Variants in MTMR8 observed in about 807,000 individuals in gnomAD.
MTMR8 encodes phosphatidylinositol-3,5-bisphosphate 3-phosphatase MTMR8.
A neutral mutation model predicts 39.3 loss-of-function variants in MTMR8; 65 were observed. The ratio of observed to expected loss-of-function variants is 1.65; its 90% CI spans 1.35 to 2.03. The LOEUF is 2.03. Among genes scored for constraint, MTMR8 ranks in the 30% most tolerant of loss-of-function variants. The pLI, the probability that MTMR8 is intolerant of heterozygous loss-of-function variation, is 0.00. For missense variants in MTMR8, 777 were observed against 538.9 expected, an observed-to-expected ratio of 1.44 and a Z score of -4.37; for synonymous variants, 245 against 185.2, an observed-to-expected ratio of 1.32 and a Z score of -2.62.
At chrX:64,298,703 T>C (rs1433548964) in intron 12 of MTMR8, among the ~76,000 whole-genome samples, 2 of 87,274 alleles carry the variant, frequency 2.3e-5, no homozygotes, top group Non-Finnish European at 3.9e-5. Flanking sequence ...CAGTATGATA[T>C]TGGCTGTGGG....
intron 12 of MTMR8, among the ~76,000 whole-genome samples, chrX:64,287,971 CTAAT>C (rs1170794260): frequency 2.4e-5 from 1 of 41,095 alleles, no homozygotes; most frequent in Non-Finnish European, 4.2e-5. Context: ...CAAATGGGAT[CTAAT>C]TAAACTAAAG....
chrX:64,347,134 A>G, intron 6 of MTMR8, among the ~76,000 whole-genome samples: 1 of 111,111 alleles, frequency 9.0e-6, no homozygotes, highest in South Asian at 3.8e-4. Context: ...TCAGTATAAT[A>G]TAGTTCCTAC....
chrX:64,346,541 AAAT>A (rs1041548948), intron 6 of MTMR8, among the ~76,000 whole-genome samples: 6 of 109,585 alleles, frequency 5.5e-5, no homozygotes, highest in African/African-American at 1.7e-4. Context: ...GCTTCAGCAA[AAAT>A]AATAATAATA....
chrX:64,282,737 CT>C (rs970276492), intron 12 of MTMR8, among the ~76,000 whole-genome samples: 3 of 111,022 alleles, frequency 2.7e-5, no homozygotes, highest in Non-Finnish European at 3.8e-5. Context: ...CAAAATTAAA[CT>C]TTTGTGTATC....
In MTMR8 at chrX:64,395,340, C is replaced by G; in HGVS notation, c.24G>C (p.Lys8Asn). 8.3e-7 allele frequency: 1 copy of G among 1,210,797 alleles called. No individual in the cohort carries two copies. The highest frequency in any genetic ancestry group is 2.2e-5 in the Admixed American group (1 of 46,032). ...AGCCTCGCTTAACTCTTCTCCTTACCTTGGGTACCGTAATATGATCCATGA... is the reference window on the plus strand; with the variant it reads ...AGCCTCGCTTAACTCTTCTCCTTACGTTGGGTACCGTAATATGATCCATGA... MDHITVP[K>N]VENVKLVDRY... Residue 8 changes from lysine to asparagine, a missense_variant and splice_region_variant, in exon 1 of 14, where the codon AAG (lysine) becomes AAC (asparagine). Physicochemically the swap from Lys to Asn is moderately conservative, Grantham distance 94. Coordinates refer to ENST00000374852, the MANE Select transcript of MTMR8 (RefSeq NM_017677.4).
At chrX:64,378,311 C>A (rs1924322767) in intron 1 of MTMR8, among the ~76,000 whole-genome samples, 1 of 111,940 alleles carries the variant, frequency 8.9e-6, no homozygotes, top group Admixed American at 9.5e-5. Flanking sequence ...GCCTCAACCT[C>A]CTGGACTCCA....
intron 4 of MTMR8, 100 bp from the exon 5 acceptor site, chrX:64,350,170 T>A (rs1923451623): frequency 2.2e-6 from 1 of 452,923 alleles, no homozygotes; most frequent in East Asian, 8.4e-5. Flanking sequence ...TAAAAGCTGA[T>A]AAACTTGAGA....
chrX:64,280,734 A>G (rs751576544), intron 12 of MTMR8, among the ~76,000 whole-genome samples: 1 of 111,521 alleles, frequency 9.0e-6, no homozygotes, highest in Non-Finnish European at 1.9e-5. Flanking sequence ...AGGGTATTCA[A>G]ATAGGAAGAG....
chrX:64,376,834 G>A (rs957368028), intron 1 of MTMR8, among the ~76,000 whole-genome samples: 7 of 112,122 alleles, frequency 6.2e-5, no homozygotes, highest in Admixed American at 1.9e-4. Flanking sequence ...GACCTTCACA[G>A]CAGCCCCTCC....
intron 1 of MTMR8, 68 bp downstream of exon 1, chrX:64,395,272 T>A (rs1924790929): frequency 8.9e-7 from 1 of 1,119,746 alleles, no homozygotes; most frequent in Non-Finnish European, 1.2e-6. Context: ...AGGAGGTGTG[T>A]CTGGGCTCCC....
chrX:64,279,838 C>A (rs769690735), intron 12 of MTMR8, among the ~76,000 whole-genome samples: 9 of 111,746 alleles, frequency 8.1e-5, no homozygotes, highest in Middle Eastern at 4.6e-3. Context: ...ATTGCATATA[C>A]AATGAAGTGA....
At chrX:64,394,978 G>C (rs1924783568) in intron 1 of MTMR8, among the ~76,000 whole-genome samples, 1 of 112,294 alleles carries the variant, frequency 8.9e-6, no homozygotes, top group Non-Finnish European at 1.9e-5. Context: ...TGGGGTATTC[G>C]CGAATGGCGG....
intron 12 of MTMR8, among the ~76,000 whole-genome samples, chrX:64,307,402 G>C (rs1316486109): frequency 8.9e-6 from 1 of 111,930 alleles, no homozygotes; most frequent in Non-Finnish European, 1.9e-5. Flanking sequence ...ATGAGGTGTA[G>C]GTGAAGGTTA....
At position 64,268,360 on chromosome X, in the gene MTMR8, A is replaced by T; in HGVS notation, c.*177T>A. 1 of 482,453 alleles carries T rather than the reference A, an allele frequency of 2.1e-6. No individual in the cohort carries two copies. The allele number at this position is 482,453 out of a possible 1,213,427, so 39.8% of individuals were successfully genotyped here. On this transcript the variant is annotated 3_prime_UTR_variant, in exon 14 of 14. Coordinates refer to ENST00000374852, the MANE Select transcript of MTMR8 (RefSeq NM_017677.4). ...CTCTTGCCTACACTCTGTACTGCTT[A>T]ATATGAACATATTGGTCACTTAATC...
chrX:64,335,519 G>T (rs748234901), intron 10 of MTMR8, among the ~76,000 whole-genome samples: 3 of 112,029 alleles, frequency 2.7e-5, no homozygotes, highest in Non-Finnish European at 5.6e-5. Flanking sequence ...AATATTTATC[G>T]ATTGTTCTGA....
intron 1 of MTMR8, among the ~76,000 whole-genome samples, chrX:64,363,534 A>C (rs1345361421): frequency 8.9e-6 from 1 of 112,403 alleles, no homozygotes; most frequent in Non-Finnish European, 1.9e-5. Context: ...ACCCAGAGGC[A>C]GATGCCTGTG....
Position 64,356,238 on chromosome X carries a change from AC to A in MTMR8, c.247del (p.Val83PhefsTer2). 8.3e-7 allele frequency: 1 copy of A among 1,209,473 alleles called. No homozygotes were observed. The highest frequency in any genetic ancestry group is 1.1e-6 in the Non-Finnish European group (1 of 894,369). The stretch of plus-strand genomic sequence containing the variant: ...ATGGCACACAAGGTCAGAATCTAAA[AC>A]AAAGTGGGCCACCCGGAAATTCTTG... Reference protein sequence around the residue: ...RCKNFRVAHFVLDSDLVCHEV... With the variant: ...RCKNFRVAHFXLDSDLVCHEV... On this transcript the variant is annotated frameshift_variant, in exon 3 of 14. Coordinates refer to ENST00000374852, the MANE Select transcript of MTMR8 (RefSeq NM_017677.4). LOFTEE classifies it high-confidence loss of function.
At chrX:64,286,115 T>C (rs1395155530) in intron 12 of MTMR8, among the ~76,000 whole-genome samples, 1 of 111,256 alleles carries the variant, frequency 9.0e-6, no homozygotes, top group South Asian at 3.8e-4. Flanking sequence ...AAGAATCAAA[T>C]AGATGCAATA....
At chrX:64,316,319 T>A (rs1922464498) in intron 12 of MTMR8, among the ~76,000 whole-genome samples, 1 of 112,381 alleles carries the variant, frequency 8.9e-6, no homozygotes, top group African/African-American at 3.2e-5. Context: ...TTTTATTTCA[T>A]CTGAGAATAT....
Sources: gnomAD v4.1 joint callset for allele counts (sites outside exome capture counted in the v4.1 genomes callset) on GRCh38, gnomAD v4.1.1 for gene constraint, MANE v1.5 for transcripts, NCBI Gene and HGNC (gene_info 2026-07-23, HGNC 2026-07-21) for gene names.